The following FBXW4 variants were observed in gnomAD, a reference collection of about 807,000 sequenced individuals.
The protein encoded by FBXW4 is F-box/WD repeat-containing protein 4.
A neutral mutation model predicts 61.8 loss-of-function variants in FBXW4; 40 were observed. The ratio of observed to expected loss-of-function variants is 0.65; its 90% CI spans 0.50 to 0.84. The LOEUF (loss-of-function observed/expected upper bound fraction) is 0.84. Ranked by LOEUF, FBXW4 falls within the 40% of genes least tolerant of loss-of-function variation. FBXW4 has a pLI of 0.00. For synonymous variants in FBXW4, 311 were observed against 313.8 expected, an observed-to-expected ratio of 0.99 and a Z score of 0.10; for missense variants, 672 against 753.8, an observed-to-expected ratio of 0.89 and a Z score of 1.27.
intron 5 of FBXW4, chr10:101,628,018 C>T: frequency 3.0e-6 from 3 of 984,168 alleles, no homozygotes; most frequent in Non-Finnish European, 3.6e-6. Context: ...TGTCTTCAAC[C>T]AGATTCTCGT....
In FBXW4 at chr10:101,694,895, G is replaced by C; in HGVS notation, c.211C>G (p.Pro71Ala). ...GPQTAKEAAG[P>A]GADAGARACP... is the part of the protein sequence containing the mutation. ...GCCCTCGCTCCCGCGTCAGCCCCCG[G>C]CCCGGCTGCCTCCTTCGCCGTCTGC... The change falls in exon 1 of 9, where the codon CCG (proline) becomes GCG (alanine). Residue 71 changes from proline to alanine, a missense_variant. By Grantham distance (27) the Pro-to-Ala change is conservative. Transcript: ENST00000331272. This position sits in a 1 kb window ranked among gnomAD's most constrained non-coding sequence, Gnocchi z 6.0. 8.1e-7 allele frequency: 1 copy of C among 1,240,118 alleles called. No individual in the cohort carries two copies. Among genetic ancestry groups the C allele is most frequent in the Non-Finnish European group, 1.0e-6 (1 of 992,914 alleles). The allele number at this position is 1,240,118 out of a possible 1,614,324, so 76.8% of individuals were successfully genotyped here.
chr10:101,655,327 G>A (rs1366045273), intron 5 of FBXW4, among the ~76,000 whole-genome samples: 4 of 152,156 alleles, frequency 2.6e-5, no homozygotes, highest in African/African-American at 9.7e-5. Flanking sequence ...ATCCTTATCA[G>A]CCTGCAAAGA....
chr10:101,678,630 G>A (rs981054492), intron 1 of FBXW4, among the ~76,000 whole-genome samples: 4 of 152,036 alleles, frequency 2.6e-5, no homozygotes, highest in African/African-American at 4.8e-5. Flanking sequence ...GGGTTTCACC[G>A]TGTTAGCCAG....
In FBXW4 at chr10:101,611,170, G is replaced by A; in HGVS notation, c.*121C>T. ...CTCTAGTGCAAGGTGCCTGAGCACT[G>A]GGGTCACAGGCCCAGGAGCACAGTG... On this transcript the variant is annotated 3_prime_UTR_variant, in exon 9 of 9. Transcript: ENST00000331272. This position sits in a 1 kb window ranked among gnomAD's most constrained non-coding sequence, Gnocchi z 4.9. The A allele has an allele frequency of 7.6e-7, 1 of 1,322,316 alleles. No individual in the cohort carries two copies. Among genetic ancestry groups the A allele is most frequent in the East Asian group, 2.4e-5 (1 of 42,114 alleles). 81.9% of individuals were successfully genotyped at this position (1,322,316 alleles called of 1,614,324 possible). A position where few individuals can be genotyped will look rare whatever the true frequency, so the allele number is the denominator to read the frequency against.
At chr10:101,631,640 T>G (rs1345878718) in intron 5 of FBXW4, among the ~76,000 whole-genome samples, 4 of 151,688 alleles carry the variant, frequency 2.6e-5, no homozygotes, top group Admixed American at 2.6e-4. Context: ...TTTTTTTTTT[T>G]TTTTTGAGAC....
At chr10:101,615,420 C>T (rs565094325) in intron 6 of FBXW4, among the ~76,000 whole-genome samples, 2 of 152,220 alleles carry the variant, frequency 1.3e-5, no homozygotes, top group South Asian at 4.1e-4. Context: ...ATTCTCTCTC[C>T]ACCCAGGGAA....
chr10:101,611,095 T>C lies in FBXW4; in HGVS notation c.*196A>G, dbSNP rs1474452959. ...AGGTCCTGCCTCTCCAACAGGTTCCTGGGAGGGACTGCATCTCTGGTAAGC... is the reference window on the plus strand; with the variant it reads ...AGGTCCTGCCTCTCCAACAGGTTCCCGGGAGGGACTGCATCTCTGGTAAGC... On this transcript the variant is annotated 3_prime_UTR_variant, in exon 9 of 9. Coordinates refer to ENST00000331272, the MANE Select transcript of FBXW4 (RefSeq NM_022039.4). This position sits in a 1 kb window ranked among gnomAD's most constrained non-coding sequence, Gnocchi z 4.9. 1.1e-5 allele frequency: 7 copies of C among 620,994 alleles called. No homozygotes were observed. The highest frequency in any genetic ancestry group is 1.9e-5 in the Non-Finnish European group (7 of 374,038). 38.5% of individuals were successfully genotyped at this position (620,994 alleles called of 1,614,324 possible). A position where few individuals can be genotyped will look rare whatever the true frequency, so the allele number is the denominator to read the frequency against.
chr10:101,669,024 G>A (rs1341269305), intron 4 of FBXW4, among the ~76,000 whole-genome samples: 2 of 152,292 alleles, frequency 1.3e-5, no homozygotes, highest in African/African-American at 4.8e-5. Context: ...GAGTTTAAAG[G>A]GTAGGTGATG....
intron 5 of FBXW4, among the ~76,000 whole-genome samples, chr10:101,645,343 A>C (rs1044058524): frequency 6.6e-6 from 1 of 152,182 alleles, no homozygotes; most frequent in South Asian, 2.1e-4. Flanking sequence ...AAGATTCATG[A>C]AACGGTTTGC....
chr10:101,677,005 A>G (rs1426658189), intron 1 of FBXW4, among the ~76,000 whole-genome samples: 3 of 152,216 alleles, frequency 2.0e-5, no homozygotes, highest in Non-Finnish European at 4.4e-5. Context: ...CACAGAATGT[A>G]TATCTGACAG....
At chr10:101,627,906 T>G (rs2063919914) in intron 5 of FBXW4, 5 of 969,388 alleles carry the variant, frequency 5.2e-6, no homozygotes. Context: ...GTGGGATCTG[T>G]GCATCACAGG....
At chr10:101,655,714 C>T (rs980210283) in intron 5 of FBXW4, among the ~76,000 whole-genome samples, 10 of 152,218 alleles carry the variant, frequency 6.6e-5, no homozygotes, top group African/African-American at 1.9e-4. Flanking sequence ...CTGCATGAGT[C>T]GAGTCCTTGG....
intron 5 of FBXW4, among the ~76,000 whole-genome samples, chr10:101,647,400 C>A (rs2064110011): frequency 6.6e-6 from 1 of 152,156 alleles, no homozygotes; most frequent in Non-Finnish European, 1.5e-5. Context: ...GAGTTTTACA[C>A]ATAGGCACTT....
intron 5 of FBXW4, among the ~76,000 whole-genome samples, chr10:101,651,829 G>A (rs1405729672): frequency 6.6e-6 from 1 of 152,018 alleles, no homozygotes; most frequent in African/African-American, 2.4e-5. Flanking sequence ...TTCAAACAAG[G>A]GACAACAAGG....
chr10:101,685,189 C>G (rs1023595684), intron 1 of FBXW4, among the ~76,000 whole-genome samples: 2 of 152,222 alleles, frequency 1.3e-5, no homozygotes, highest in Admixed American at 6.5e-5. Context: ...AAAGCCTCTA[C>G]TTCTGTGACT....
At chr10:101,676,628 C>A in intron 1 of FBXW4, 192 bp from the exon 2 acceptor site, 2 of 239,452 alleles carry the variant, frequency 8.4e-6, no homozygotes, top group South Asian at 7.7e-5. Context: ...GTCCTTTAAA[C>A]TATCAAAAAT....
At chr10:101,632,900 A>G (rs2063970467) in intron 5 of FBXW4, among the ~76,000 whole-genome samples, 1 of 152,248 alleles carries the variant, frequency 6.6e-6, no homozygotes, top group African/African-American at 2.4e-5. Flanking sequence ...CATGGTAATT[A>G]CTTGCAGACA....
At chr10:101,673,722 A>T in intron 2 of FBXW4, 49 bp from the exon 3 acceptor site, 2 of 1,564,016 alleles carry the variant, frequency 1.3e-6, no homozygotes, top group Admixed American at 3.5e-5. Context: ...TACAGTATGA[A>T]AACTCAACTC....
intron 5 of FBXW4, chr10:101,625,287 A>T (rs2063899060): frequency 5.4e-6 from 1 of 185,108 alleles, no homozygotes; most frequent in African/African-American, 2.3e-5. Flanking sequence ...AGCTGGGGGA[A>T]TCTGGTAATG....
Sources: allele counts gnomAD v4.1 joint callset (sites outside exome capture counted in the v4.1 genomes callset), GRCh38; gene constraint gnomAD v4.1.1; non-coding constraint Gnocchi (gnomAD v3.1); transcripts MANE v1.5; gene names NCBI Gene and HGNC (gene_info 2026-07-23, HGNC 2026-07-21).